Variants in VTI1A observed in about 807,000 individuals in gnomAD.
The protein encoded by VTI1A is vesicle transport through interaction with t-SNAREs 1A.
A neutral mutation model predicts 34.9 loss-of-function variants in VTI1A; 22 were observed. The observed-to-expected ratio is 0.63, with a 90% confidence interval of 0.45 to 0.90. The LOEUF is 0.90. VTI1A is among the 40% of genes least tolerant of loss of function. VTI1A has a pLI of 0.00. For synonymous variants in VTI1A, 87 were observed against 97.3 expected, an observed-to-expected ratio of 0.89 and a Z score of 0.62; for missense variants, 268 against 275.6, an observed-to-expected ratio of 0.97 and a Z score of 0.20.
chr10:112,496,222 A>C (rs1191486815), intron 3 of VTI1A, among the ~76,000 whole-genome samples: 2 of 140,202 alleles, frequency 1.4e-5, no homozygotes, highest in Non-Finnish European at 3.1e-5. Flanking sequence ...AACAAAATAA[A>C]AATAAGTAAA....
chr10:112,654,299 C>T (rs1352970898), intron 5 of VTI1A, among the ~76,000 whole-genome samples: 1 of 152,144 alleles, frequency 6.6e-6, no homozygotes, highest in African/African-American at 2.4e-5. Context: ...TTAGCCTTTT[C>T]TTTAATGTCA....
intron 5 of VTI1A, among the ~76,000 whole-genome samples, chr10:112,625,652 A>AAAAAAAAAAAAAAAT (rs1845895939): frequency 6.7e-6 from 1 of 148,516 alleles, no homozygotes; most frequent in Non-Finnish European, 1.5e-5. Context: ...AAAAAAAAAA[A>AAAAAAAAAAAAAAAT]GGAAAACCAA....
chr10:112,572,462 GA>G (rs1304055520), intron 5 of VTI1A, among the ~76,000 whole-genome samples: 7 of 152,164 alleles, frequency 4.6e-5, no homozygotes, highest in Non-Finnish European at 1.0e-4. Context: ...TGAAATAAGA[GA>G]ATGACCATTA....
intron 7 of VTI1A, among the ~76,000 whole-genome samples, chr10:112,766,200 A>G (rs544878808): frequency 1.3e-5 from 2 of 152,356 alleles, no homozygotes; most frequent in Admixed American, 1.3e-4. Flanking sequence ...GACATTAGGC[A>G]ATAAAGAAGG....
At chr10:112,837,427 C>G in the VTI1A span, among the ~76,000 whole-genome samples, 2 of 152,322 alleles carry the variant, frequency 1.3e-5, no homozygotes, top group South Asian at 2.1e-4. Flanking sequence ...GCCATGACCC[C>G]TGCTTTTCCT....
chr10:112,829,871 G>A, the VTI1A span, among the ~76,000 whole-genome samples: 2 of 152,244 alleles, frequency 1.3e-5, no homozygotes, highest in Non-Finnish European at 2.9e-5. Flanking sequence ...AATGTGAAAA[G>A]TGAGGCATCT....
chr10:112,593,658 A>G (rs1213256305), intron 5 of VTI1A, among the ~76,000 whole-genome samples: 1 of 152,202 alleles, frequency 6.6e-6, no homozygotes. Flanking sequence ...TTTTTTGGTA[A>G]ATACCAGGCG....
chr10:112,525,465 C>A (rs1456799484), intron 3 of VTI1A, among the ~76,000 whole-genome samples: 2 of 152,128 alleles, frequency 1.3e-5, no homozygotes, highest in East Asian at 3.9e-4. Flanking sequence ...AGAATGAGCA[C>A]TGAGCTGTGA....
At chr10:112,737,784 A>T in intron 7 of VTI1A, 1 of 1,058,880 alleles carries the variant, frequency 9.4e-7, no homozygotes, top group Non-Finnish European at 1.1e-6. Flanking sequence ...AAAAAAAAAA[A>T]TTACAAATTG....
At chr10:112,811,683 CAAAAAAAAAAAAA>C (rs869030543) in intron 7 of VTI1A, among the ~76,000 whole-genome samples, 5 of 11,826 alleles carry the variant, frequency 4.2e-4, no homozygotes, top group African/African-American at 7.0e-4. Context: ...GACTCCGTCT[CAAAAAAAAAAAAA>C]AAAAAAAAAA....
chr10:112,469,960 C>G (rs138062716), intron 3 of VTI1A, among the ~76,000 whole-genome samples: 2 of 152,194 alleles, frequency 1.3e-5, no homozygotes, highest in African/African-American at 2.4e-5. Flanking sequence ...GTGGGCTCCC[C>G]CTCCGTGTGC....
intron 3 of VTI1A, among the ~76,000 whole-genome samples, chr10:112,501,572 A>C (rs527411897): frequency 3.9e-5 from 6 of 152,322 alleles, no homozygotes; most frequent in African/African-American, 1.2e-4. Flanking sequence ...AGAATGCTAT[A>C]TTAATAGTCA....
At chr10:112,593,169 C>T (rs1476348684) in intron 5 of VTI1A, among the ~76,000 whole-genome samples, 1 of 152,200 alleles carries the variant, frequency 6.6e-6, no homozygotes, top group Non-Finnish European at 1.5e-5. Context: ...GTTTTCAACC[C>T]TCGCTCAACA....
At chr10:112,459,769 G>A (rs1847668447) in intron 1 of VTI1A, among the ~76,000 whole-genome samples, 1 of 152,200 alleles carries the variant, frequency 6.6e-6, no homozygotes, top group South Asian at 2.1e-4. Context: ...GCCAGGACAT[G>A]TCTCTCCTAG....
chr10:112,623,747 A>T (rs1167281189), intron 5 of VTI1A, among the ~76,000 whole-genome samples: 1 of 152,182 alleles, frequency 6.6e-6, no homozygotes. Context: ...TCAGTGCTTC[A>T]GGAGGGGCTA....
At chr10:112,473,731 T>G (rs1487761372) in intron 3 of VTI1A, among the ~76,000 whole-genome samples, 1 of 152,210 alleles carries the variant, frequency 6.6e-6, no homozygotes, top group Admixed American at 6.5e-5. Context: ...TTTCTCCATA[T>G]TTTCTCTGTG....
intron 5 of VTI1A, among the ~76,000 whole-genome samples, chr10:112,653,873 C>T (rs894957598): frequency 2.6e-5 from 4 of 152,144 alleles, no homozygotes; most frequent in Non-Finnish European, 5.9e-5. Context: ...CTTGTTAATA[C>T]TCTTAGGTGG....
chr10:112,525,218 T>G (rs1195201385), intron 3 of VTI1A, among the ~76,000 whole-genome samples: 1 of 152,208 alleles, frequency 6.6e-6, no homozygotes, highest in Admixed American at 6.5e-5. Flanking sequence ...AGGACTTGAC[T>G]TCTTTACTCT....
At chr10:112,632,882 T>G (rs1317066743) in intron 5 of VTI1A, among the ~76,000 whole-genome samples, 1 of 152,226 alleles carries the variant, frequency 6.6e-6, no homozygotes, top group Admixed American at 6.5e-5. Context: ...CTTACTTAGT[T>G]GTATCTATTA....
Sources: gnomAD v4.1 joint callset for allele counts (sites outside exome capture counted in the v4.1 genomes callset) on GRCh38, gnomAD v4.1.1 for gene constraint, MANE v1.5 for transcripts, NCBI Gene and HGNC (gene_info 2026-07-23, HGNC 2026-07-21) for gene names.